PTPRN2: variants seen among roughly 807,000 people sequenced by gnomAD.
PTPRN2 encodes receptor-type tyrosine-protein phosphatase N2.
In PTPRN2, 74 loss-of-function variants were observed where a neutral mutation model predicts 118.8. That is an observed-to-expected ratio of 0.62 (90% confidence interval 0.52 to 0.76). PTPRN2 has a LOEUF of 0.76. PTPRN2 is among the 30% of genes least tolerant of loss of function. The pLI, the probability that PTPRN2 is intolerant of heterozygous loss-of-function variation, is 0.00. For synonymous variants in PTPRN2, 641 were observed against 608.0 expected, an observed-to-expected ratio of 1.05 and a Z score of -0.80; for missense variants, 1,481 against 1,394.4, an observed-to-expected ratio of 1.06 and a Z score of -0.99.
intron 14 of PTPRN2, among the ~76,000 whole-genome samples, chr7:157,644,114 C>G: frequency 6.7e-6 from 1 of 149,548 alleles, no homozygotes; most frequent in Non-Finnish European, 1.5e-5. Context: ...CAGGTTACCC[C>G]GCAACATAAC....
rs988051569 is a variant in PTPRN2 at position 157,980,346 on chromosome 7, T to C, written c.1724-81609A>G. 5.3e-5 allele frequency among the ~76,000 whole-genome samples: 8 copies of C among 152,222 alleles called. 1 individual carries two copies. The highest frequency in any genetic ancestry group is 4.6e-4 in the Admixed American group (7 of 15,284). ...CTTACAGGGAAGAACATTCTCCAAA[T>C]ATCTTAGAAATTCAGTCAAGTGTTT... On this transcript the variant is annotated intron_variant, in intron 11 of 22. Transcript: ENST00000389418.
At chr7:158,397,881 C>A (rs202218947) in intron 2 of PTPRN2, among the ~76,000 whole-genome samples, 1 of 50,394 alleles carries the variant, frequency 2.0e-5, no homozygotes, top group Non-Finnish European at 4.5e-5. Flanking sequence ...CACGGCCTGA[C>A]AGTAACAATC....
intron 3 of PTPRN2, among the ~76,000 whole-genome samples, chr7:158,270,884 A>ACCACCCCGTCCACC (rs1798381241): frequency 4.9e-5 from 1 of 20,322 alleles, no homozygotes; most frequent in African/African-American, 2.8e-4. Context: ...CTCCACCTGG[A>ACCACCCCGTCCACC]TGACCCCCTC....
chr7:158,415,026 AT>A (rs2129418178), intron 2 of PTPRN2, among the ~76,000 whole-genome samples: 1 of 23,940 alleles, frequency 4.2e-5, no homozygotes, highest in East Asian at 1.6e-3. Flanking sequence ...TACTTTCCTG[AT>A]GATACAACCA....
At chr7:157,741,652 G>A (rs763788314) in intron 12 of PTPRN2, among the ~76,000 whole-genome samples, 2 of 152,184 alleles carry the variant, frequency 1.3e-5, no homozygotes, top group South Asian at 4.2e-4. Context: ...CCTCTGGGAG[G>A]TCAGTTTTAC....
intron 2 of PTPRN2, among the ~76,000 whole-genome samples, chr7:158,437,730 A>C (rs996885725): frequency 6.6e-6 from 1 of 152,288 alleles, no homozygotes; most frequent in African/African-American, 2.4e-5. Context: ...CAGCATTATG[A>C]GACTGCCAGA....
At chr7:157,816,847 C>A (rs1806436581) in intron 12 of PTPRN2, among the ~76,000 whole-genome samples, 1 of 152,236 alleles carries the variant, frequency 6.6e-6, no homozygotes, top group Admixed American at 6.5e-5. Context: ...ACAGACCCTG[C>A]AGCATCCCCC....
At chr7:157,963,662 A>C (rs1216660243) in intron 11 of PTPRN2, among the ~76,000 whole-genome samples, 1 of 152,188 alleles carries the variant, frequency 6.6e-6, no homozygotes, top group African/African-American at 2.4e-5. Context: ...AGAAGTCTGC[A>C]GGGGGGAGAT....
intron 6 of PTPRN2, among the ~76,000 whole-genome samples, chr7:158,150,225 G>A (rs1052516254): frequency 6.6e-6 from 1 of 152,224 alleles, no homozygotes; most frequent in Admixed American, 6.5e-5. Context: ...CACTGGCCAA[G>A]GCAGAAAAAT....
intron 22 of PTPRN2, among the ~76,000 whole-genome samples, chr7:157,545,869 T>G (rs568035000): frequency 2.0e-5 from 3 of 152,326 alleles, no homozygotes; most frequent in African/African-American, 7.2e-5. Flanking sequence ...TCAAAGGAGC[T>G]GCAGGCGCCT....
intron 12 of PTPRN2, among the ~76,000 whole-genome samples, chr7:157,856,777 G>A (rs966680569): frequency 2.6e-5 from 4 of 152,200 alleles, no homozygotes; most frequent in African/African-American, 4.8e-5. Context: ...AATCTTTTTC[G>A]TATGTCTGTC....
chr7:158,210,677 T>A (rs1020294739), intron 3 of PTPRN2, among the ~76,000 whole-genome samples: 8 of 152,144 alleles, frequency 5.3e-5, no homozygotes, highest in Non-Finnish European at 1.0e-4. Context: ...CATTAGAGGC[T>A]ACTATGAGCA....
chr7:158,035,365 A>G (rs1808022716), intron 11 of PTPRN2, among the ~76,000 whole-genome samples: 3 of 152,258 alleles, frequency 2.0e-5, no homozygotes, highest in Admixed American at 2.0e-4. Flanking sequence ...ATTTTGAAGC[A>G]TTAGTAAACG....
intron 12 of PTPRN2, among the ~76,000 whole-genome samples, chr7:157,892,938 T>C (rs192896055): frequency 1.6e-3 from 249 of 152,360 alleles, no homozygotes; most frequent in African/African-American, 5.7e-3. Flanking sequence ...TGCATTGCTT[T>C]CTGCACTCAC....
chr7:158,305,359 C>T (rs1284876058), intron 3 of PTPRN2, among the ~76,000 whole-genome samples: 1 of 151,724 alleles, frequency 6.6e-6, no homozygotes, highest in Non-Finnish European at 1.5e-5. Flanking sequence ...TTATATTAGA[C>T]AAAACATAGA....
At chr7:157,568,546 G>A (rs148052608) in intron 21 of PTPRN2, among the ~76,000 whole-genome samples, 1 of 152,316 alleles carries the variant, frequency 6.6e-6, no homozygotes, top group African/African-American at 2.4e-5. Flanking sequence ...TGAAGGACCC[G>A]AGGGTGGCTT....
At chr7:157,614,770 C>A (rs1196867942) in intron 15 of PTPRN2, among the ~76,000 whole-genome samples, 2 of 152,184 alleles carry the variant, frequency 1.3e-5, no homozygotes, top group Non-Finnish European at 2.9e-5. Flanking sequence ...TGTCCTTAAA[C>A]AAAGGGGACC....
intron 2 of PTPRN2, among the ~76,000 whole-genome samples, chr7:158,340,654 C>G (rs1361338799): frequency 1.0e-5 from 1 of 99,306 alleles, no homozygotes; most frequent in African/African-American, 3.7e-5. Context: ...AGCTGACGCC[C>G]GCAGACGTCA....
rs148760848 is a variant in PTPRN2, at chr7:158,186,209, G to A, written c.549+6118C>T. ...GCTTCTGCTTCTTCCATTCCAATGC[G>A]CATGAAAGAAGCTGTGGTCTCCTCT... On this transcript the variant is annotated intron_variant, in intron 5 of 22. Transcript: ENST00000389418. Among the ~76,000 whole-genome samples, 275 of 152,230 alleles carry A rather than the reference G, an allele frequency of 1.8e-3. 2 individuals are homozygous for A. Among genetic ancestry groups the A allele is most frequent in the African/African-American group, 6.0e-3 (249 of 41,528 alleles).
Sources: gnomAD v4.1 joint callset for allele counts (sites outside exome capture counted in the v4.1 genomes callset) on GRCh38, gnomAD v4.1.1 for gene constraint, MANE v1.5 for transcripts, NCBI Gene and HGNC (gene_info 2026-07-23, HGNC 2026-07-21) for gene names.